The following DBNDD2 variants were observed in gnomAD, a reference collection of about 807,000 sequenced individuals.
DBNDD2 encodes the protein dysbindin domain-containing protein 2.
In DBNDD2, 8 loss-of-function variants were observed where a neutral mutation model predicts 14.0. That is an observed-to-expected ratio of 0.57 (90% confidence interval 0.33 to 1.03). The LOEUF is 1.03. Ranked by LOEUF, DBNDD2 falls within the 50% of genes least tolerant of loss-of-function variation. The pLI, the probability that DBNDD2 is intolerant of heterozygous loss-of-function variation, is 0.03. For missense variants in DBNDD2, 194 were observed against 206.0 expected (o/e 0.94, Z 0.36); for synonymous variants, 94 against 85.3 (o/e 1.10, Z -0.56).
At chr20:45,407,679 T>G (rs966976256), upstream of DBNDD2, 36 of 992,890 alleles carry the variant, frequency 3.6e-5, no homozygotes, top group Non-Finnish European at 4.2e-5. Flanking sequence ...GTGAGATGTG[T>G]CCCAGGAGGG....
upstream of DBNDD2, chr20:45,407,315 T>G (rs565808908): frequency 3.0e-6 from 3 of 985,870 alleles, no homozygotes; most frequent in African/African-American, 5.2e-5. Flanking sequence ...CAGACTTCCG[T>G]GGCCCTGCCT....
At chr20:45,406,597 G>T, upstream of DBNDD2, 1 of 1,447,212 alleles carries the variant, frequency 6.9e-7, no homozygotes. Context: ...CCTCGTTCCC[G>T]GCTCCCAGGG....
At chr20:45,407,477 T>A (rs1463958991), upstream of DBNDD2, 1 of 985,778 alleles carries the variant, frequency 1.0e-6, no homozygotes, top group Non-Finnish European at 1.2e-6. Context: ...CCTCTGGTGA[T>A]GGGCTCAGAG....
Position 45,408,489 on chromosome 20 carries a change from G to A in DBNDD2, c.22G>A (p.Ala8Thr), listed in dbSNP as rs541954493. The change falls in exon 1 of 3, where the codon GCC (alanine) becomes ACC (threonine). Residue 8 changes from alanine to threonine, a missense_variant. By Grantham distance (58) the Ala-to-Thr change is moderately conservative (BLOSUM62 0). Coordinates refer to ENST00000372710, the MANE Select transcript of DBNDD2 (RefSeq NM_001048225.4). The part of the protein sequence containing the change: MDPNPRA[A>T]LERQQLRLRE... ...TGACATGGACCCAAATCCTCGGGCC[G>A]CCCTGGAGCGCCAGCAGCTCCGCCT... 3 of 1,614,248 alleles carry A rather than the reference G, an allele frequency of 1.9e-6. No homozygotes were observed. The highest frequency in any genetic ancestry group is 4.5e-5 in the East Asian group (2 of 44,888).
At chr20:45,408,656 TC>T in intron 1 of DBNDD2, 50 bp downstream of exon 1, 1 of 1,593,114 alleles carries the variant, frequency 6.3e-7, no homozygotes, top group Non-Finnish European at 8.6e-7. Context: ...AGGGAGGATG[TC>T]CTGTGGGTCC....
At chr20:45,406,422 G>A (rs557936465), upstream of DBNDD2, 4 of 1,515,846 alleles carry the variant, frequency 2.6e-6, no homozygotes, top group East Asian at 8.4e-5. Flanking sequence ...GGGTGGTGCA[G>A]AGGAGTCCGG....
upstream of DBNDD2, chr20:45,406,800 G>C (rs1478638266): frequency 2.4e-6 from 3 of 1,246,286 alleles, no homozygotes; most frequent in Non-Finnish European, 3.0e-6. Flanking sequence ...AGCACGAGGG[G>C]AACGGCCTTG....
chr20:45,406,686 C>G (rs1989418988), upstream of DBNDD2: 1 of 1,332,720 alleles, frequency 7.5e-7, no homozygotes, highest in South Asian at 2.0e-5. Flanking sequence ...CCGCCGCGGC[C>G]TCGCTGGAGC....
At chr20:45,406,716 G>A (rs1989422732), upstream of DBNDD2, 1 of 1,296,474 alleles carries the variant, frequency 7.7e-7, no homozygotes, top group Non-Finnish European at 9.8e-7. Context: ...GAGTCAGAGG[G>A]GGCGCCAGCG....
upstream of DBNDD2, chr20:45,406,652 C>A: frequency 7.4e-7 from 1 of 1,354,212 alleles, no homozygotes; most frequent in Non-Finnish European, 9.5e-7. Flanking sequence ...CCCACCCCGG[C>A]CGGCGCGGCT....
In DBNDD2 at chr20:45,410,110, T is replaced by A; in HGVS notation, c.456T>A (p.Asp152Glu). Residue 152 changes from aspartate (D) to glutamate (E), a missense_variant, in exon 3 of 3, where the codon GAT (aspartate) becomes GAA (glutamate). Transcript: ENST00000372710. The stretch of plus-strand genomic sequence containing the variant: ...CGGATGAAGAGGAGGAAAGGGGTGA[T>A]GGAGGGGCAGAGCCTGGAGCCTGCA... ...AQSDEEEERG[D>E]GGAEPGACS 6.4e-7 allele frequency: 1 copy of A among 1,552,450 alleles called. No homozygotes were observed. Among genetic ancestry groups the A allele is most frequent in the Non-Finnish European group, 8.7e-7 (1 of 1,147,390 alleles).
upstream of DBNDD2, chr20:45,406,636 C>A (rs1181947145): frequency 7.2e-6 from 10 of 1,383,194 alleles, no homozygotes; most frequent in Non-Finnish European, 9.3e-6. Flanking sequence ...GCCCTGGAGG[C>A]GCAGCCCCAC....
At chr20:45,409,003 C>T (rs748792094) in intron 2 of DBNDD2, 65 bp downstream of exon 2, 16 of 1,613,838 alleles carry the variant, frequency 9.9e-6, no homozygotes, top group Admixed American at 1.7e-5. Flanking sequence ...GGCTCTGAAA[C>T]GAGGCTACAA....
rs1407878150 is a variant in DBNDD2, at chr20:45,408,425, T to C, written c.-43T>C. Reference sequence around the variant, plus strand: ...GTCCCCTCTGTCTTCTCTTTCGACTTTGCAGCTGTACTTGTTTTGCTCCTC... The same window carrying C: ...GTCCCCTCTGTCTTCTCTTTCGACTCTGCAGCTGTACTTGTTTTGCTCCTC... On this transcript the variant is annotated 5_prime_UTR_variant, in exon 1 of 3. Transcript: ENST00000372710. The C allele has an allele frequency of 1.2e-6, 2 of 1,614,096 alleles. No homozygotes were observed. The highest frequency in any genetic ancestry group is 1.7e-6 in the Non-Finnish European group (2 of 1,180,044).
rs1216140046 is a variant in DBNDD2 at position 45,410,072 on chromosome 20, C to A, written c.418C>A (p.Pro140Thr). 3 of 1,555,048 alleles carry A rather than the reference C, an allele frequency of 1.9e-6. No homozygotes were observed. Among genetic ancestry groups the A allele is most frequent in the Non-Finnish European group, 2.6e-6 (3 of 1,148,646 alleles). The change falls in exon 3 of 3, where the codon CCC becomes ACC. Residue 140 changes from proline (P) to threonine (T), a missense_variant. Coordinates refer to ENST00000372710, the MANE Select transcript of DBNDD2 (RefSeq NM_001048225.4). ...TCCAAGTGATGATGGAGCAGATACG[C>A]CCTTGGCACAGTCGGATGAAGAGGA... ...PNPSDDGADT[P>T]LAQSDEEEER...
At position 45,408,854 on chromosome 20, in the gene DBNDD2, G is replaced by A. The variant is rs751312620; in HGVS notation, c.193G>A (p.Val65Ile). ...MEVNVDTLEQ[V>I]ELIDLGDPDA... ...AGTGAATGTGGACACACTGGAGCAAGTAGAACTTATTGACCTTGGGGACCC... is the reference window on the plus strand; with the variant it reads ...AGTGAATGTGGACACACTGGAGCAAATAGAACTTATTGACCTTGGGGACCC... Residue 65 changes from valine to isoleucine, a missense_variant, in exon 2 of 3, where the codon GTA (valine) becomes ATA (isoleucine). By Grantham distance (29) the Val-to-Ile change is conservative (BLOSUM62 3). Coordinates refer to ENST00000372710, the MANE Select transcript of DBNDD2 (RefSeq NM_001048225.4). 1.9e-6 allele frequency: 3 copies of A among 1,614,238 alleles called. No homozygotes were observed. Among genetic ancestry groups the A allele is most frequent in the East Asian group, 4.5e-5 (2 of 44,896 alleles).
intron 1 of DBNDD2, 22 bp from the exon 2 acceptor site, chr20:45,408,779 T>G: frequency 6.2e-7 from 1 of 1,611,734 alleles, no homozygotes; most frequent in Non-Finnish European, 8.5e-7. Context: ...TCCTCCTGAC[T>G]TGCCCACTTC....
chr20:45,406,488 C>T (rs958422691), upstream of DBNDD2: 5 of 1,527,338 alleles, frequency 3.3e-6, no homozygotes, highest in South Asian at 6.0e-5. Flanking sequence ...CTTGGAAGTA[C>T]CAGTAGCCGC....
At position 45,408,931 on chromosome 20, in the gene DBNDD2, G is replaced by A. The variant is rs192468940; in HGVS notation, c.270G>A (p.Gln90=). 207 of 1,614,176 alleles carry A rather than the reference G, an allele frequency of 1.3e-4. 1 individual carries two copies. The East Asian group carries it at 4.5e-3, about 35-fold the overall frequency. The part of the protein sequence containing the change: ...LPCEDPPPTP[Q]SSGMDNHLEE... ...GCGAAGATCCTCCACCAACCCCCCAGTCGTCTGGTATGCCCCTCTGCTTTG... is the reference window on the plus strand; with the variant it reads ...GCGAAGATCCTCCACCAACCCCCCAATCGTCTGGTATGCCCCTCTGCTTTG... Residue 90 remains glutamine, a synonymous_variant, in exon 2 of 3, where the codon CAG becomes CAA. Coordinates refer to ENST00000372710, the MANE Select transcript of DBNDD2 (RefSeq NM_001048225.4).
Sources: allele counts gnomAD v4.1 joint callset, GRCh38; gene constraint gnomAD v4.1.1; transcripts MANE v1.5; gene names NCBI Gene and HGNC (gene_info 2026-07-23, HGNC 2026-07-21).